Variants in TENT4B observed in about 807,000 individuals in gnomAD.
TENT4B encodes terminal nucleotidyltransferase 4B.
Under a neutral mutation model 75.0 loss-of-function variants are expected in TENT4B, and 10 were observed. That is an observed-to-expected ratio of 0.13 (90% CI 0.08 to 0.23). TENT4B has a LOEUF of 0.23. TENT4B is among the 10% of genes least tolerant of loss of function. TENT4B has a pLI of 1.00. For missense variants in TENT4B, 579 were observed against 893.8 expected, an observed-to-expected ratio of 0.65 and a Z score of 4.49; for synonymous variants, 350 against 357.7, an observed-to-expected ratio of 0.98 and a Z score of 0.24.
chr16:50,171,497 A>G (rs1279242522), intron 1 of TENT4B, among the ~76,000 whole-genome samples: 2 of 152,100 alleles, frequency 1.3e-5, no homozygotes, highest in African/African-American at 4.8e-5. Flanking sequence ...TGAGGGGGCT[A>G]TTTCGTCCTA....
intron 1 of TENT4B, among the ~76,000 whole-genome samples, chr16:50,211,066 C>T (rs978091341): frequency 6.6e-6 from 1 of 152,148 alleles, no homozygotes; most frequent in Non-Finnish European, 1.5e-5. Flanking sequence ...GAGGCCAGCC[C>T]GTATGCTTGT....
chr16:50,166,983 G>C (rs2038113535), intron 1 of TENT4B, among the ~76,000 whole-genome samples: 3 of 152,108 alleles, frequency 2.0e-5, no homozygotes, highest in Non-Finnish European at 2.9e-5. Flanking sequence ...GAGTGCAGTG[G>C]CGTGATCATA....
chr16:50,235,193 C>A lies in TENT4B; in HGVS notation c.*5865C>A. On this transcript the variant is annotated 3_prime_UTR_variant, in exon 12 of 12. Transcript: ENST00000561678. ...TTTCTTCAAAGATGTCAATTATTTG[C>A]CTTGGAAATTTTATAAATTGCATTT... 1 of 313,372 alleles carries A rather than the reference C, an allele frequency of 3.2e-6. No homozygotes were observed. Among genetic ancestry groups the A allele is most frequent in the Admixed American group, 6.5e-5 (1 of 15,476 alleles). The allele number at this position is 313,372 out of a possible 1,614,324, so 19.4% of individuals were successfully genotyped here. A position where few individuals can be genotyped will look rare whatever the true frequency, so the allele number is the denominator to read the frequency against.
At chr16:50,165,221 T>G (rs2038077514) in intron 1 of TENT4B, among the ~76,000 whole-genome samples, 1 of 152,090 alleles carries the variant, frequency 6.6e-6, no homozygotes, top group Non-Finnish European at 1.5e-5. Context: ...TTTTTGGTTA[T>G]ATTCCATTGA....
chr16:50,167,700 C>T (rs562765365), intron 1 of TENT4B, among the ~76,000 whole-genome samples: 1 of 151,042 alleles, frequency 6.6e-6, no homozygotes, highest in African/African-American at 2.4e-5. Context: ...CTCTGTCGCC[C>T]AGGCTGGAGT....
In TENT4B at chr16:50,190,075, C is replaced by CAA. The variant is rs754925816; in HGVS notation, c.639-21231_639-21230dup. Among the ~76,000 whole-genome samples, 93 of 41,952 alleles carry CAA rather than the reference C, an allele frequency of 2.2e-3. 1 individual carries two copies. The highest frequency in any genetic ancestry group is 5.2e-3 in the African/African-American group (87 of 16,688). 27.5% of individuals were successfully genotyped at this position (41,952 alleles called of 152,430 possible). ...TAGGCAACAGAGTGAGACTCTGTTT[C>CAA]AAAAAAAAAAAAAAAAAACAAAGAA... On this transcript the variant is annotated intron_variant, in intron 1 of 11. Coordinates refer to ENST00000561678, the MANE Select transcript of TENT4B (RefSeq NM_001365324.3).
At position 50,233,989 on chromosome 16, in the gene TENT4B, C is replaced by A; in HGVS notation, c.*4661C>A. On this transcript the variant is annotated 3_prime_UTR_variant, in exon 12 of 12. Transcript: ENST00000561678. ...CTAGTTCCACATTTTAACTTAACGT[C>A]TTTGTGGCTTCACCACTGAGCTACC... 1 of 985,430 alleles carries A rather than the reference C, an allele frequency of 1.0e-6. No homozygotes were observed. The highest frequency in any genetic ancestry group is 1.7e-5 in the African/African-American group (1 of 57,348). 61.0% of individuals were successfully genotyped at this position (985,430 alleles called of 1,614,324 possible).
chr16:50,167,035 C>T (rs1033828109), intron 1 of TENT4B, among the ~76,000 whole-genome samples: 46 of 152,038 alleles, frequency 3.0e-4, no homozygotes, highest in Admixed American at 1.6e-3. Context: ...ACAGTACTCA[C>T]GACTCATCTT....
intron 1 of TENT4B, among the ~76,000 whole-genome samples, chr16:50,203,934 C>G (rs992080675): frequency 2.6e-5 from 4 of 152,152 alleles, no homozygotes; most frequent in African/African-American, 9.7e-5. Flanking sequence ...CCAGGAGCCC[C>G]CAGGAGGCTC....
intron 1 of TENT4B, among the ~76,000 whole-genome samples, chr16:50,201,460 C>A (rs969255494): frequency 2.6e-5 from 4 of 151,836 alleles, no homozygotes; most frequent in Non-Finnish European, 2.9e-5. Context: ...TCGATTGAAC[C>A]TGGGAGGCAG....
chr16:50,156,079 A>G (rs996852529), intron 1 of TENT4B, among the ~76,000 whole-genome samples: 1 of 152,168 alleles, frequency 6.6e-6, no homozygotes, highest in African/African-American at 2.4e-5. Flanking sequence ...TTGCCCTCAA[A>G]GGGATTAGGA....
At chr16:50,171,319 T>A (rs2038202245) in intron 1 of TENT4B, among the ~76,000 whole-genome samples, 1 of 152,096 alleles carries the variant, frequency 6.6e-6, no homozygotes. Context: ...AAGGATCGCT[T>A]GAGCCTAGGA....
In TENT4B at chr16:50,233,651, G is replaced by A. The variant is rs1003050074; in HGVS notation, c.*4323G>A. 1.0e-5 allele frequency: 10 copies of A among 983,058 alleles called. No homozygotes were observed. The African/African-American group carries it at 1.8e-4, about 17-fold the overall frequency. The allele number at this position is 983,058 out of a possible 1,614,324, so 60.9% of individuals were successfully genotyped here. On this transcript the variant is annotated 3_prime_UTR_variant, in exon 12 of 12. Transcript: ENST00000561678. ...GAGGACAGTTTTTAGTTAATAAACT[G>A]CTAATGTTTATTTTACTGTCTCTCA... is the stretch of plus-strand genomic sequence containing the variant.
In TENT4B at chr16:50,229,585, G is replaced by A; in HGVS notation, c.*257G>A. On this transcript the variant is annotated 3_prime_UTR_variant, in exon 12 of 12. Coordinates refer to ENST00000561678, the MANE Select transcript of TENT4B (RefSeq NM_001365324.3). Reference sequence around the variant, plus strand: ...ATTTGATAAGTCATATGCTACAACAGGGTCATTTTAAGATTTAAAGCTTGA... The same window carrying A: ...ATTTGATAAGTCATATGCTACAACAAGGTCATTTTAAGATTTAAAGCTTGA... The A allele has an allele frequency of 5.0e-6, 6 of 1,189,470 alleles. No homozygotes were observed. In the East Asian group the frequency reaches 1.9e-4, roughly 39 times the overall value. 73.7% of individuals were successfully genotyped at this position (1,189,470 alleles called of 1,614,324 possible).
At chr16:50,162,570 CTTTT>C (rs1347769764) in intron 1 of TENT4B, among the ~76,000 whole-genome samples, 7 of 152,262 alleles carry the variant, frequency 4.6e-5, no homozygotes, top group African/African-American at 1.7e-4. Context: ...CTAATCTTAA[CTTTT>C]TTTATTTTAA....
At chr16:50,177,328 T>G (rs558127548) in intron 1 of TENT4B, among the ~76,000 whole-genome samples, 13 of 152,266 alleles carry the variant, frequency 8.5e-5, no homozygotes, top group African/African-American at 2.4e-4. Flanking sequence ...TTTAACAGTT[T>G]GGTAGAATTC....
At chr16:50,196,488 TATCATCATCATCATCATCATCATCATC>T (rs10536148) in intron 1 of TENT4B, among the ~76,000 whole-genome samples, 1 of 149,742 alleles carries the variant, frequency 6.7e-6, no homozygotes, top group African/African-American at 2.5e-5. Context: ...AGTTTATCAT[TATCATCATCATCATCATCATCATCATC>T]ATCATCATCA....
chr16:50,226,644 C>T (rs893036911), intron 10 of TENT4B, among the ~76,000 whole-genome samples: 3 of 151,426 alleles, frequency 2.0e-5, no homozygotes, highest in Non-Finnish European at 4.4e-5. Flanking sequence ...TCTTGATCGC[C>T]TGACCTCATG....
chr16:50,156,588 C>T (rs1211020430), intron 1 of TENT4B, among the ~76,000 whole-genome samples: 1 of 152,102 alleles, frequency 6.6e-6, no homozygotes, highest in African/African-American at 2.4e-5. Flanking sequence ...AGGTGATCTG[C>T]CCGTCTTGGC....
Sources: allele counts gnomAD v4.1 joint callset (sites outside exome capture counted in the v4.1 genomes callset), GRCh38; gene constraint gnomAD v4.1.1; transcripts MANE v1.5; gene names NCBI Gene and HGNC (gene_info 2026-07-23, HGNC 2026-07-21).